Variants in KCNIP4 observed in about 807,000 individuals in gnomAD.
KCNIP4 encodes the protein potassium voltage-gated channel interacting protein 4.
In KCNIP4, 12 loss-of-function variants were observed where a neutral mutation model predicts 34.0. The observed-to-expected ratio is 0.35, with a 90% CI of 0.23 to 0.57. KCNIP4 has a LOEUF of 0.57. KCNIP4 is among the 20% of genes least tolerant of loss of function. The pLI is 0.83. For missense variants in KCNIP4, 238 were observed against 311.7 expected, an observed-to-expected ratio of 0.76 and a Z score of 1.78; for synonymous variants, 124 against 102.2, an observed-to-expected ratio of 1.21 and a Z score of -1.29.
chr4:21,046,981 C>T (rs1742486258), intron 1 of KCNIP4, among the ~76,000 whole-genome samples: 1 of 152,198 alleles, frequency 6.6e-6, no homozygotes, highest in South Asian at 2.1e-4. Flanking sequence ...AATGAGCCTA[C>T]AGGAACAAAA....
At chr4:20,836,469 A>G (rs35631652) in intron 3 of KCNIP4, among the ~76,000 whole-genome samples, 7,789 of 152,292 alleles carry the variant, frequency 0.051, 292 homozygotes, top group South Asian at 0.19. Context: ...TCTATCATCT[A>G]TCCATCTGTG....
intron 1 of KCNIP4, among the ~76,000 whole-genome samples, chr4:21,227,229 T>C (rs1366627401): frequency 6.6e-6 from 1 of 152,202 alleles, no homozygotes; most frequent in Admixed American, 6.5e-5. Flanking sequence ...CAGAAAGTCA[T>C]TGCTGAGAGC....
intron 1 of KCNIP4, among the ~76,000 whole-genome samples, chr4:21,897,800 A>G (rs906510657): frequency 4.6e-5 from 7 of 152,132 alleles, no homozygotes; most frequent in Non-Finnish European, 1.0e-4. Flanking sequence ...TAAGAACCAA[A>G]AATCAGGTAG....
At chr4:20,837,848 A>AT (rs34976488) in intron 3 of KCNIP4, among the ~76,000 whole-genome samples, 40,106 of 143,490 alleles carry the variant, frequency 0.28, 5,624 homozygotes, top group South Asian at 0.4. Flanking sequence ...TGCCCAGCAA[A>AT]TTTTTTTTTT....
chr4:21,113,579 T>C (rs914541627), intron 1 of KCNIP4, among the ~76,000 whole-genome samples: 5 of 152,034 alleles, frequency 3.3e-5, no homozygotes, highest in African/African-American at 1.2e-4. Flanking sequence ...CAATTTGGTC[T>C]GCTGTTGGGG....
chr4:21,618,630 C>CTTTTTTTTTT (rs58967707), intron 1 of KCNIP4, among the ~76,000 whole-genome samples: 11 of 81,776 alleles, frequency 1.3e-4, no homozygotes, highest in Non-Finnish European at 2.2e-4. Context: ...TTTTCTTTTT[C>CTTTTTTTTTT]TTTTTTTTTT....
rs186195049 is a variant in KCNIP4 at position 21,077,550 on chromosome 4, C to T, written c.62-194841G>A. Among the ~76,000 whole-genome samples, 158 of 152,186 alleles carry T rather than the reference C, an allele frequency of 1.0e-3. 2 individuals carry two copies. Among genetic ancestry groups the T allele is most frequent in the Middle Eastern group, 3.4e-3 (1 of 292 alleles). On this transcript the variant is annotated intron_variant, in intron 1 of 8. Coordinates refer to ENST00000382152, the MANE Select transcript of KCNIP4 (RefSeq NM_025221.6). ...ATATTCACGTTTCATAATCAGAGTG[C>T]CCTAGTTAAACTCCAGATTTGTTAC...
At position 21,282,008 on chromosome 4, in the gene KCNIP4, A is replaced by G. The variant is rs562283951; in HGVS notation, c.62-399299T>C. Among the ~76,000 whole-genome samples the G allele has an allele frequency of 2.0e-5, 3 of 152,346 alleles. No individual in the cohort carries two copies. In the East Asian group the frequency reaches 5.8e-4, roughly 29 times the overall value. On this transcript the variant is annotated intron_variant, in intron 1 of 8. Transcript: ENST00000382152. ...CATACTGTTCACTTGGCTAACTTCT[A>G]GAATAGAGTGGTGGATTCTAGGCAA... is the stretch of plus-strand genomic sequence containing the variant.
intron 1 of KCNIP4, among the ~76,000 whole-genome samples, chr4:21,921,501 A>G (rs890665403): frequency 6.6e-6 from 1 of 152,202 alleles, no homozygotes; most frequent in Non-Finnish European, 1.5e-5. Context: ...TTCTACTCAG[A>G]TATCTAGAGA....
At chr4:21,220,963 A>G (rs1398871710) in intron 1 of KCNIP4, among the ~76,000 whole-genome samples, 1 of 152,166 alleles carries the variant, frequency 6.6e-6, no homozygotes, top group Non-Finnish European at 1.5e-5. Flanking sequence ...AAGGCAAACA[A>G]TGGGCTAAAT....
At chr4:21,181,998 G>A (rs138793263) in intron 1 of KCNIP4, among the ~76,000 whole-genome samples, 40 of 152,210 alleles carry the variant, frequency 2.6e-4, no homozygotes, top group African/African-American at 8.7e-4. Flanking sequence ...CTGTTGGAAT[G>A]CCTCTACTAT....
intron 1 of KCNIP4, among the ~76,000 whole-genome samples, chr4:21,318,806 G>C (rs1330937704): frequency 1.3e-5 from 2 of 152,046 alleles, no homozygotes; most frequent in African/African-American, 4.8e-5. Flanking sequence ...TACAAGGTTA[G>C]TAAAAACCCT....
chr4:21,467,118 A>ACAC (rs1560434369), intron 1 of KCNIP4, among the ~76,000 whole-genome samples: 3 of 98,906 alleles, frequency 3.0e-5, no homozygotes, highest in Non-Finnish European at 5.0e-5. Flanking sequence ...ACACACACAC[A>ACAC]AAACAGAACA....
At chr4:21,455,834 TA>T (rs2109758265) in intron 1 of KCNIP4, among the ~76,000 whole-genome samples, 5 of 114,708 alleles carry the variant, frequency 4.4e-5, no homozygotes, top group African/African-American at 2.2e-4. Flanking sequence ...TATATATATA[TA>T]TATATATATA....
At chr4:20,868,413 T>G (rs1723086614) in intron 2 of KCNIP4, among the ~76,000 whole-genome samples, 1 of 152,128 alleles carries the variant, frequency 6.6e-6, no homozygotes, top group Non-Finnish European at 1.5e-5. Flanking sequence ...GTCCAGCCAC[T>G]GTGGAAAGCA....
intron 1 of KCNIP4, among the ~76,000 whole-genome samples, chr4:21,056,401 T>A (rs1743405225): frequency 6.6e-6 from 1 of 152,206 alleles, no homozygotes; most frequent in African/African-American, 2.4e-5. Context: ...GAATCATTTT[T>A]TCTTCTAGGA....
chr4:21,304,016 A>G, intron 1 of KCNIP4: 4 of 884,026 alleles, frequency 4.5e-6, no homozygotes, highest in East Asian at 6.3e-5. Context: ...GAGAAAGGGG[A>G]GGAGGAGAGC....
At chr4:21,757,243 G>GAAAGAAAAGA (rs145596310) in intron 1 of KCNIP4, among the ~76,000 whole-genome samples, 14 of 26,498 alleles carry the variant, frequency 5.3e-4, no homozygotes, top group African/African-American at 2.7e-3. Context: ...AAGAAAGAAA[G>GAAAGAAAAGA]AAAGAAAAGA....
At chr4:21,287,722 C>T (rs954381524) in intron 1 of KCNIP4, among the ~76,000 whole-genome samples, 2 of 152,104 alleles carry the variant, frequency 1.3e-5, no homozygotes, top group African/African-American at 2.4e-5. Flanking sequence ...ATTCTGGAAG[C>T]CTTGTGAGGA....
Sources: gnomAD v4.1 joint callset for allele counts (sites outside exome capture counted in the v4.1 genomes callset) on GRCh38, gnomAD v4.1.1 for gene constraint, MANE v1.5 for transcripts, NCBI Gene and HGNC (gene_info 2026-07-23, HGNC 2026-07-21) for gene names.